The following PRKAG2 variants were observed in gnomAD, a reference collection of about 807,000 sequenced individuals.
PRKAG2 encodes the protein 5'-AMP-activated protein kinase subunit gamma-2.
A neutral mutation model predicts 69.6 loss-of-function variants in PRKAG2; 26 were observed. The ratio of observed to expected loss-of-function variants is 0.37; its 90% CI spans 0.27 to 0.52. The LOEUF is 0.52. Ranked by LOEUF, PRKAG2 falls within the 20% of genes least tolerant of loss-of-function variation. PRKAG2 has a pLI of 0.90. For missense variants in PRKAG2, 557 were observed against 740.0 expected (o/e 0.75, Z 2.87); for synonymous variants, 293 against 285.0 (o/e 1.03, Z -0.28).
intron 1 of PRKAG2, among the ~76,000 whole-genome samples, chr7:151,823,159 C>T (rs554707240): frequency 1.3e-5 from 2 of 151,740 alleles, no homozygotes; most frequent in Admixed American, 1.3e-4. Flanking sequence ...TCAGCACAGC[C>T]GCCTGGGGAC....
rs142950780 is a variant in PRKAG2, at chr7:151,819,521, C to T, written c.115-32980G>A. ...GAGATTAGATTAGCTGAGAATAGTTCGCCCCCCTGCCCCTCCCTGGGTACC... is the reference window on the plus strand; with the variant it reads ...GAGATTAGATTAGCTGAGAATAGTTTGCCCCCCTGCCCCTCCCTGGGTACC... On this transcript the variant is annotated intron_variant, in intron 1 of 15. Transcript: ENST00000287878. Among the ~76,000 whole-genome samples the T allele has an allele frequency of 8.1e-3, 1,238 of 152,260 alleles. 6 individuals carry two copies. Among genetic ancestry groups the T allele is most frequent in the Middle Eastern group, 0.014 (4 of 294 alleles).
chr7:151,806,874 G>A (rs757591024), intron 1 of PRKAG2: 2 of 416,196 alleles, frequency 4.8e-6, no homozygotes, highest in East Asian at 1.4e-4. Context: ...GCTGAGCCAC[G>A]AGAATCGCTT....
chr7:151,605,395 AC>A (rs1441098080), intron 5 of PRKAG2, among the ~76,000 whole-genome samples: 1 of 152,068 alleles, frequency 6.6e-6, no homozygotes, highest in Non-Finnish European at 1.5e-5. Flanking sequence ...AATTTTAAAA[AC>A]AAAAATAAAA....
chr7:151,655,216 C>G (rs894985598), intron 4 of PRKAG2, among the ~76,000 whole-genome samples: 4 of 152,208 alleles, frequency 2.6e-5, no homozygotes, highest in African/African-American at 9.7e-5. Context: ...TACGCCATCT[C>G]TGGACAGCCC....
chr7:151,729,046 C>T (rs983315072), intron 3 of PRKAG2, among the ~76,000 whole-genome samples: 2 of 152,100 alleles, frequency 1.3e-5, no homozygotes, highest in Non-Finnish European at 2.9e-5. Flanking sequence ...GGAGCAGCAC[C>T]TCTGGGAGAG....
At position 151,849,163 on chromosome 7, in the gene PRKAG2, A is replaced by G. The variant is rs7811285; in HGVS notation, c.114+27344T>C. ...AACCGTGTTGGGGAAACGAAGACGC[A>G]GAGGCAGTGCCCCCTGCCTGGCAGG... is the stretch of plus-strand genomic sequence containing the variant. On this transcript the variant is annotated intron_variant, in intron 1 of 15. Transcript: ENST00000287878. 6.5e-3 allele frequency among the ~76,000 whole-genome samples: 993 copies of G among 152,354 alleles called. 16 individuals are homozygous for G. The highest frequency in any genetic ancestry group is 0.021 in the African/African-American group (859 of 41,586).
intron 3 of PRKAG2, among the ~76,000 whole-genome samples, chr7:151,741,074 G>A (rs1475534608): frequency 6.6e-6 from 1 of 152,120 alleles, no homozygotes; most frequent in Non-Finnish European, 1.5e-5. Flanking sequence ...AACACCTGGT[G>A]CGGTGGCTCA....
chr7:151,796,785 G>A (rs966695992), intron 1 of PRKAG2, among the ~76,000 whole-genome samples: 2 of 152,132 alleles, frequency 1.3e-5, no homozygotes, highest in East Asian at 1.9e-4. Context: ...CGGCCCGGGG[G>A]CCAGTAAACA....
chr7:151,629,798 G>A (rs943415719), intron 5 of PRKAG2, among the ~76,000 whole-genome samples: 2 of 152,148 alleles, frequency 1.3e-5, no homozygotes, highest in East Asian at 3.8e-4. Context: ...CGTTAACAGG[G>A]TATGCTGGAT....
At chr7:151,649,468 G>A (rs991931061) in intron 4 of PRKAG2, among the ~76,000 whole-genome samples, 1 of 152,150 alleles carries the variant, frequency 6.6e-6, no homozygotes, top group African/African-American at 2.4e-5. Context: ...TGAAAAATTA[G>A]TGTGTACCAA....
intron 3 of PRKAG2, among the ~76,000 whole-genome samples, chr7:151,731,999 A>C (rs1239642157): frequency 6.6e-6 from 1 of 151,930 alleles, no homozygotes; most frequent in Non-Finnish European, 1.5e-5. Context: ...AACCACACCC[A>C]ACTAACTATT....
intron 3 of PRKAG2, among the ~76,000 whole-genome samples, chr7:151,778,138 A>C (rs2076483884): frequency 6.6e-6 from 1 of 151,910 alleles, no homozygotes. Flanking sequence ...GCCCGTTTCC[A>C]CACCACTGTG....
intron 1 of PRKAG2, 74 bp from the exon 2 acceptor site, chr7:151,786,615 G>C: frequency 8.2e-7 from 1 of 1,219,298 alleles, no homozygotes; most frequent in Non-Finnish European, 1.2e-6. Flanking sequence ...CTCTACGTGG[G>C]TGTCACCTCC....
intron 3 of PRKAG2, among the ~76,000 whole-genome samples, chr7:151,741,459 C>T (rs1024172395): frequency 2.0e-5 from 3 of 152,136 alleles, no homozygotes; most frequent in Non-Finnish European, 4.4e-5. Context: ...AGGTGGATCA[C>T]CTGAGGTCGG....
intron 1 of PRKAG2, among the ~76,000 whole-genome samples, chr7:151,833,180 A>G (rs1029797041): frequency 6.6e-6 from 1 of 152,204 alleles, no homozygotes; most frequent in Non-Finnish European, 1.5e-5. Flanking sequence ...AGAGCGCGTG[A>G]GTCTTTTGAT....
intron 3 of PRKAG2, among the ~76,000 whole-genome samples, chr7:151,773,094 GGAA>G (rs1223207341): frequency 1.1e-5 from 1 of 89,624 alleles, no homozygotes; most frequent in African/African-American, 4.4e-5. Flanking sequence ...AGGGAGGGAG[GGAA>G]GGGAAGGGAA....
chr7:151,715,357 AT>A (rs1252853663), intron 3 of PRKAG2, among the ~76,000 whole-genome samples: 1 of 112,132 alleles, frequency 8.9e-6, no homozygotes, highest in Non-Finnish European at 1.9e-5. Context: ...AATTATTATT[AT>A]TTTTTTTGAG....
At chr7:151,605,877 G>A (rs1025101609) in intron 5 of PRKAG2, among the ~76,000 whole-genome samples, 2 of 150,340 alleles carry the variant, frequency 1.3e-5, no homozygotes, top group African/African-American at 2.5e-5. Flanking sequence ...GGCGGAGGTT[G>A]CAGTGAACTG....
intron 1 of PRKAG2, among the ~76,000 whole-genome samples, chr7:151,829,438 T>A (rs2078974981): frequency 6.6e-6 from 1 of 152,104 alleles, no homozygotes; most frequent in South Asian, 2.1e-4. Flanking sequence ...TGTAAAACGG[T>A]GCTGCCAGTT....
Sources: allele counts gnomAD v4.1 joint callset (sites outside exome capture counted in the v4.1 genomes callset), GRCh38; gene constraint gnomAD v4.1.1; transcripts MANE v1.5; gene names NCBI Gene and HGNC (gene_info 2026-07-23, HGNC 2026-07-21).